DNAH12: variants seen among roughly 807,000 people sequenced by gnomAD.
DNAH12 encodes dynein axonemal heavy chain 12, also known as axonemal beta dynein heavy chain 12.
Under a neutral mutation model 371.5 loss-of-function variants are expected in DNAH12, and 285 were observed. The observed-to-expected ratio is 0.77, with a 90% CI of 0.70 to 0.85. DNAH12 has a LOEUF of 0.85. DNAH12 is among the 40% of genes least tolerant of loss of function. DNAH12 has a pLI of 0.00. For synonymous variants in DNAH12, 1,200 were observed against 1,213.0 expected, an observed-to-expected ratio of 0.99 and a Z score of 0.22; for missense variants, 3,611 against 3,689.4, an observed-to-expected ratio of 0.98 and a Z score of 0.55.
At chr3:57,406,283 G>T (rs1462425077) in intron 40 of DNAH12, among the ~76,000 whole-genome samples, 1 of 149,656 alleles carries the variant, frequency 6.7e-6, no homozygotes, top group East Asian at 2.0e-4. Flanking sequence ...CCCGGGAGGT[G>T]GAGGTAGACA....
At chr3:57,494,358 A>G (rs554265681) in intron 11 of DNAH12, among the ~76,000 whole-genome samples, 1 of 152,170 alleles carries the variant, frequency 6.6e-6, no homozygotes, top group East Asian at 1.9e-4. Flanking sequence ...TTTGAGACCA[A>G]CCTGGGCAAC....
At chr3:57,343,408 G>T (rs1263142401) in intron 60 of DNAH12, among the ~76,000 whole-genome samples, 1 of 152,256 alleles carries the variant, frequency 6.6e-6, no homozygotes, top group African/African-American at 2.4e-5. Flanking sequence ...ATCCAAGGCT[G>T]TGCAGGACTT....
At chr3:57,507,511 TTAAAA>T (rs1394189906) in intron 8 of DNAH12, 127 bp downstream of exon 8, 1 of 694,786 alleles carries the variant, frequency 1.4e-6, no homozygotes, top group Non-Finnish European at 2.1e-6. Flanking sequence ...GCTAAAATTA[TTAAAA>T]TAAAATTACA....
intron 60 of DNAH12, among the ~76,000 whole-genome samples, chr3:57,338,559 T>C (rs1553654792): frequency 6.9e-6 from 1 of 144,384 alleles, no homozygotes; most frequent in African/African-American, 2.6e-5. Flanking sequence ...CGCCACCTCA[T>C]CTAGGAAGTG....
rs1039689197 is a variant in DNAH12 at position 57,470,547 on chromosome 3, C to A, written c.2001G>T (p.Lys667Asn). The A allele has an allele frequency of 6.5e-7, 1 of 1,550,182 alleles. No individual in the cohort carries two copies. The highest frequency in any genetic ancestry group is 2.0e-5 in the Admixed American group (1 of 50,678). Reference sequence around the variant, plus strand: ...GTTCAGGATATTTTGTCAATTCCCACTTGAAAAGTTCCTCTTCTTTATTAA... The same window carrying A: ...GTTCAGGATATTTTGTCAATTCCCAATTGAAAAGTTCCTCTTCTTTATTAA... ...QFINKEEELFKWELTKYPELD... is the reference protein window; with the variant it reads ...QFINKEEELFNWELTKYPELD... The change falls in exon 16 of 74, where the codon AAG becomes AAT. Residue 667 changes from lysine (K) to asparagine (N), a missense_variant. Coordinates refer to ENST00000495027, the MANE Select transcript of DNAH12 (RefSeq NM_001366028.2).
intron 12 of DNAH12, among the ~76,000 whole-genome samples, chr3:57,486,781 C>A (rs2066934935): frequency 6.6e-6 from 1 of 151,984 alleles, no homozygotes; most frequent in East Asian, 1.9e-4. Flanking sequence ...AATTGTGCTA[C>A]TGCACTTCGG....
At chr3:57,492,799 G>A (rs1209159221) in intron 11 of DNAH12, among the ~76,000 whole-genome samples, 6 of 152,080 alleles carry the variant, frequency 3.9e-5, no homozygotes. Context: ...ATGATCAGGA[G>A]ATTGAGACCA....
At chr3:57,408,850 T>C (rs1473373413) in intron 39 of DNAH12, among the ~76,000 whole-genome samples, 1 of 152,190 alleles carries the variant, frequency 6.6e-6, no homozygotes, top group Non-Finnish European at 1.5e-5. Context: ...GAAGCATGGA[T>C]GAGTGATCAA....
intron 65 of DNAH12, among the ~76,000 whole-genome samples, chr3:57,316,273 G>A (rs944179768): frequency 6.6e-6 from 1 of 151,616 alleles, no homozygotes; most frequent in African/African-American, 2.4e-5. Flanking sequence ...GCTGTTTTGT[G>A]TTGACTCATT....
chr3:57,305,481 C>G (rs951912698), intron 69 of DNAH12, among the ~76,000 whole-genome samples: 12 of 152,192 alleles, frequency 7.9e-5, no homozygotes, highest in East Asian at 5.8e-4. Flanking sequence ...AGCCCTCCCC[C>G]TCCTGCCCAG....
chr3:57,492,660 C>A (rs1310420720), intron 11 of DNAH12, among the ~76,000 whole-genome samples: 3 of 151,926 alleles, frequency 2.0e-5, no homozygotes, highest in African/African-American at 7.3e-5. Context: ...AAAATTATTA[C>A]AAAATTCTAG....
rs2065146987 is a variant in DNAH12 at position 57,436,988 on chromosome 3, T to C, written c.4618A>G (p.Ile1540Val). 1 of 1,516,836 alleles carries C rather than the reference T, an allele frequency of 6.6e-7. No homozygotes were observed. Among genetic ancestry groups the C allele is most frequent in the Non-Finnish European group, 8.8e-7 (1 of 1,137,792 alleles). 94.0% of individuals were successfully genotyped at this position (1,516,836 alleles called of 1,614,324 possible). ...ATCATCATTTCATATGTTTGAATTA[T>C]TTTTTCAAGAAAAAATTTAACAGGC... is the stretch of plus-strand genomic sequence containing the variant. ...LQPVKFFLEK[I>V]IQTYEMMIVR... Residue 1540 changes from isoleucine (I) to valine (V), a missense_variant, in exon 30 of 74, where the codon ATA (isoleucine) becomes GTA (valine). Ile to Val is a conservative substitution (Grantham distance 29, BLOSUM62 3). This residue lies in a region of DNAH12 where 2,266 missense variants were observed against 2,236.9 expected (regional missense o/e 1.01). Coordinates refer to ENST00000495027, the MANE Select transcript of DNAH12 (RefSeq NM_001366028.2).
chr3:57,476,830 A>C (rs930274063), intron 13 of DNAH12, among the ~76,000 whole-genome samples: 1 of 152,232 alleles, frequency 6.6e-6, no homozygotes, highest in African/African-American at 2.4e-5. Context: ...TGGAAAAGGT[A>C]AAAACATACT....
chr3:57,313,341 T>C (rs2061618658), intron 66 of DNAH12, among the ~76,000 whole-genome samples: 1 of 151,792 alleles, frequency 6.6e-6, no homozygotes, highest in Non-Finnish European at 1.5e-5. Flanking sequence ...ACAAAATACG[T>C]TTAAAAAAAA....
chr3:57,340,248 T>C (rs560344862), intron 60 of DNAH12, among the ~76,000 whole-genome samples: 66 of 151,088 alleles, frequency 4.4e-4, no homozygotes, highest in African/African-American at 1.5e-3. Flanking sequence ...AAGCTAATGA[T>C]GCACCTCAAG....
Position 57,468,858 on chromosome 3 carries a change from G to C in DNAH12, c.2227C>G (p.Gln743Glu). 1 of 1,514,878 alleles carries C rather than the reference G, an allele frequency of 6.6e-7. No homozygotes were observed. The highest frequency in any genetic ancestry group is 8.8e-7 in the Non-Finnish European group (1 of 1,136,974). 93.8% of individuals were successfully genotyped at this position (1,514,878 alleles called of 1,614,324 possible). ...FFQTKLKKEL[Q>E]EKRKAARKRS... ...TTTCTTGCTGCCTTTCTTTTTTCTT[G>C]TAATTCTTTCTTTAGCTTCGTTTGG... Residue 743 changes from glutamine (Q) to glutamate (E), a missense_variant, in exon 17 of 74, where the codon CAA becomes GAA. Physicochemically the swap from Gln to Glu is conservative, Grantham distance 29 (BLOSUM62 2). This residue lies in a region of DNAH12 where 1,314 missense variants were observed against 1,398.7 expected (regional missense o/e 0.94). Coordinates refer to ENST00000495027, the MANE Select transcript of DNAH12 (RefSeq NM_001366028.2).
chr3:57,296,330 C>T lies in DNAH12; in HGVS notation c.11624+14G>A. 6.5e-7 allele frequency: 1 copy of T among 1,534,244 alleles called. No individual in the cohort carries two copies. The highest frequency in any genetic ancestry group is 8.8e-7 in the Non-Finnish European group (1 of 1,133,788). On this transcript the variant is annotated intron_variant, in intron 72 of 73. Coordinates refer to ENST00000495027, the MANE Select transcript of DNAH12 (RefSeq NM_001366028.2). Reference sequence around the variant, plus strand: ...GCTACAAATGAAGAGGTCCTGGCAGCTGAATCCACTGACCTTTCTCGGTCC... The same window carrying T: ...GCTACAAATGAAGAGGTCCTGGCAGTTGAATCCACTGACCTTTCTCGGTCC...
chr3:57,304,871 C>G (rs2061436251), intron 69 of DNAH12, among the ~76,000 whole-genome samples: 1 of 152,084 alleles, frequency 6.6e-6, no homozygotes, highest in African/African-American at 2.4e-5. Flanking sequence ...AAGCACCCCC[C>G]ACCCCTTCTC....
intron 34 of DNAH12, among the ~76,000 whole-genome samples, chr3:57,427,193 T>G (rs1176324195): frequency 7.0e-6 from 1 of 142,334 alleles, no homozygotes; most frequent in African/African-American, 2.7e-5. Context: ...TGGAAATGGT[T>G]GAACAATGGT....
Sources: allele counts gnomAD v4.1 joint callset (sites outside exome capture counted in the v4.1 genomes callset), GRCh38; gene constraint gnomAD v4.1.1; regional missense constraint gnomAD v4.1.1; transcripts MANE v1.5; gene names NCBI Gene and HGNC (gene_info 2026-07-23, HGNC 2026-07-21).